The following SMG6 variants were observed in gnomAD, a reference collection of about 807,000 sequenced individuals.
The protein encoded by SMG6 is SMG6 nonsense mediated mRNA decay factor.
SMG6 carries 66 observed loss-of-function variants against 142.2 expected under a neutral mutation model. The ratio of observed to expected loss-of-function variants is 0.46; its 90% confidence interval spans 0.38 to 0.57. SMG6 has a LOEUF of 0.57. SMG6 is among the 20% of genes least tolerant of loss of function. The pLI, the probability that SMG6 is intolerant of heterozygous loss-of-function variation, is 0.00. For synonymous variants in SMG6, 779 were observed against 702.4 expected, an observed-to-expected ratio of 1.11 and a Z score of -1.72; for missense variants, 1,793 against 1,832.0, an observed-to-expected ratio of 0.98 and a Z score of 0.39.
At chr17:2,123,301 T>C (rs2069763078) in intron 13 of SMG6, among the ~76,000 whole-genome samples, 1 of 152,178 alleles carries the variant, frequency 6.6e-6, no homozygotes, top group African/African-American at 2.4e-5. Context: ...TGCTGTGTGC[T>C]GCACAGCCAA....
Position 2,112,439 on chromosome 17 carries a change from C to T in SMG6, c.3358-26538G>A, listed in dbSNP as rs1010131741. 5.3e-5 allele frequency among the ~76,000 whole-genome samples: 8 copies of T among 151,020 alleles called. 1 individual carries two copies. Among genetic ancestry groups the T allele is most frequent in the Non-Finnish European group, 8.8e-5 (6 of 67,836 alleles). Reference sequence around the variant, plus strand: ...AGGAGAATGGCATGAACCCGGGAGGCGGAGGTTGCAGTGAGCCGAGATCGT... The same window carrying T: ...AGGAGAATGGCATGAACCCGGGAGGTGGAGGTTGCAGTGAGCCGAGATCGT... On this transcript the variant is annotated intron_variant, in intron 13 of 18. Coordinates refer to ENST00000263073, the MANE Select transcript of SMG6 (RefSeq NM_017575.5).
At chr17:2,289,941 CATATATAT>C (rs3055883) in intron 6 of SMG6, among the ~76,000 whole-genome samples, 32 of 141,594 alleles carry the variant, frequency 2.3e-4, no homozygotes, top group African/African-American at 6.5e-4. Flanking sequence ...TTATTTTATA[CATATATAT>C]ATATATATAT....
intron 18 of SMG6, among the ~76,000 whole-genome samples, chr17:2,064,630 A>G (rs1481819487): frequency 6.6e-6 from 1 of 152,134 alleles, no homozygotes; most frequent in Non-Finnish European, 1.5e-5. Context: ...CAGAGAAGGT[A>G]GGAAGGTAAG....
intron 11 of SMG6, among the ~76,000 whole-genome samples, chr17:2,187,461 G>A (rs2072025521): frequency 6.6e-6 from 1 of 152,070 alleles, no homozygotes; most frequent in African/African-American, 2.4e-5. Flanking sequence ...GTTGACTTCC[G>A]ATTTTGATAA....
chr17:2,290,710 TA>T (rs2075011560), intron 6 of SMG6, among the ~76,000 whole-genome samples: 1 of 152,098 alleles, frequency 6.6e-6, no homozygotes, highest in Non-Finnish European at 1.5e-5. Context: ...ACACACCTGA[TA>T]AAGGACTTGT....
At chr17:2,117,474 T>C (rs949587546) in intron 13 of SMG6, among the ~76,000 whole-genome samples, 1 of 152,178 alleles carries the variant, frequency 6.6e-6, no homozygotes, top group Non-Finnish European at 1.5e-5. Flanking sequence ...GATACATCAA[T>C]ATACAAAAGT....
chr17:2,229,037 T>G (rs1375525920), intron 10 of SMG6, among the ~76,000 whole-genome samples: 1 of 152,094 alleles, frequency 6.6e-6, no homozygotes, highest in Non-Finnish European at 1.5e-5. Context: ...ATATTAGACA[T>G]GATGGTGAAA....
chr17:2,128,008 G>T (rs2151537281), intron 13 of SMG6: 1 of 472,428 alleles, frequency 2.1e-6, no homozygotes. Context: ...AGTGTCAAAG[G>T]AGAGCTTCCT....
intron 13 of SMG6, among the ~76,000 whole-genome samples, chr17:2,121,634 TGTGTGTGTGTGTAG>T (rs1193731372): frequency 8.7e-4 from 60 of 69,078 alleles, no homozygotes; most frequent in Non-Finnish European, 1.5e-3. Flanking sequence ...TGTGTGTGTG[TGTGTGTGTGTGTAG>T]AGAGAGAGAG....
At chr17:2,207,116 C>CAAA (rs2072707516) in intron 10 of SMG6, among the ~76,000 whole-genome samples, 1 of 104,628 alleles carries the variant, frequency 9.6e-6, no homozygotes, top group Non-Finnish European at 1.8e-5. Flanking sequence ...TACTAAAAAT[C>CAAA]CAAAAAAAAA....
At chr17:2,297,411 CA>C in intron 3 of SMG6, 58 bp from the exon 4 acceptor site, 16 of 1,318,904 alleles carry the variant, frequency 1.2e-5, no homozygotes, top group Admixed American at 4.3e-5. Flanking sequence ...ACCTATCCAC[CA>C]AAAACCGGGG....
intron 10 of SMG6, among the ~76,000 whole-genome samples, chr17:2,195,196 A>G (rs1184021405): frequency 6.6e-6 from 1 of 152,200 alleles, no homozygotes; most frequent in Non-Finnish European, 1.5e-5. Context: ...AAATTAAGGA[A>G]TCCCTCATGA....
chr17:2,167,512 G>C (rs1455092014), intron 13 of SMG6, among the ~76,000 whole-genome samples: 1 of 152,180 alleles, frequency 6.6e-6, no homozygotes, highest in African/African-American at 2.4e-5. Flanking sequence ...CAATGATTAC[G>C]TTAATGCCAA....
intron 4 of SMG6, among the ~76,000 whole-genome samples, chr17:2,295,464 T>C (rs973354519): frequency 6.6e-6 from 1 of 152,166 alleles, no homozygotes; most frequent in African/African-American, 2.4e-5. Context: ...TCTATATTAC[T>C]CTCTGGCAAT....
At chr17:2,119,303 C>T (rs894746453) in intron 13 of SMG6, among the ~76,000 whole-genome samples, 3 of 151,904 alleles carry the variant, frequency 2.0e-5, no homozygotes, top group Non-Finnish European at 2.9e-5. Flanking sequence ...GTGATCTGCC[C>T]GCCTCGGCCT....
intron 8 of SMG6, among the ~76,000 whole-genome samples, chr17:2,263,709 TGAGTA>T (rs1383391969): frequency 6.6e-6 from 1 of 152,140 alleles, no homozygotes; most frequent in Non-Finnish European, 1.5e-5. Flanking sequence ...TAAATATTTA[TGAGTA>T]AAGTGAAAGG....
intron 13 of SMG6, among the ~76,000 whole-genome samples, chr17:2,116,430 T>C (rs1217052149): frequency 6.6e-6 from 1 of 152,062 alleles, no homozygotes; most frequent in East Asian, 1.9e-4. Context: ...ATACCATTAA[T>C]ACTGAAAAGA....
chr17:2,108,921 G>C (rs1171208274), intron 13 of SMG6, among the ~76,000 whole-genome samples: 2 of 152,122 alleles, frequency 1.3e-5, no homozygotes, highest in Non-Finnish European at 2.9e-5. Flanking sequence ...CTCCAGCCTG[G>C]GCGACAGAGC....
intron 10 of SMG6, among the ~76,000 whole-genome samples, chr17:2,207,988 G>C (rs779530782): frequency 7.2e-5 from 11 of 152,112 alleles, no homozygotes; most frequent in Non-Finnish European, 1.5e-4. Context: ...CACTTGCCGG[G>C]TGCGGTGGCT....
Sources: allele counts gnomAD v4.1 joint callset (sites outside exome capture counted in the v4.1 genomes callset), GRCh38; gene constraint gnomAD v4.1.1; transcripts MANE v1.5; gene names NCBI Gene and HGNC (gene_info 2026-07-23, HGNC 2026-07-21).